Variants in STX8 observed in about 807,000 individuals in gnomAD.
The protein encoded by STX8 is syntaxin-8.
Under a neutral mutation model 37.5 loss-of-function variants are expected in STX8, and 23 were observed. That is an observed-to-expected ratio of 0.61 (90% CI 0.44 to 0.87). The LOEUF (loss-of-function observed/expected upper bound fraction) is 0.87. Ranked by LOEUF, STX8 falls within the 40% of genes least tolerant of loss-of-function variation. The pLI is 0.00. For synonymous variants in STX8, 115 were observed against 99.1 expected, an observed-to-expected ratio of 1.16 and a Z score of -0.95; for missense variants, 313 against 284.7, an observed-to-expected ratio of 1.10 and a Z score of -0.71.
At chr17:9,427,021 T>C (rs1280541932) in intron 6 of STX8, among the ~76,000 whole-genome samples, 3 of 152,194 alleles carry the variant, frequency 2.0e-5, no homozygotes, top group African/African-American at 7.2e-5. Context: ...GTGATTTTTA[T>C]AACTACTTTC....
intron 3 of STX8, among the ~76,000 whole-genome samples, chr17:9,546,596 T>TTTTTTG (rs1449857631): frequency 8.2e-6 from 1 of 121,644 alleles, no homozygotes; most frequent in African/African-American, 3.3e-5. Flanking sequence ...AAGTGGTTTT[T>TTTTTTG]TTTTTTTTTT....
intron 6 of STX8, among the ~76,000 whole-genome samples, chr17:9,385,312 C>T (rs1009529390): frequency 3.3e-5 from 5 of 152,078 alleles, no homozygotes; most frequent in East Asian, 1.9e-4. Flanking sequence ...TTATGATCCA[C>T]GCCTCATTCT....
intron 6 of STX8, among the ~76,000 whole-genome samples, chr17:9,387,746 G>A (rs576508180): frequency 1.3e-5 from 2 of 152,240 alleles, no homozygotes; most frequent in Non-Finnish European, 2.9e-5. Flanking sequence ...ATGCATCAAC[G>A]CCACAATACA....
At chr17:9,433,419 A>G (rs1914043826) in intron 6 of STX8, among the ~76,000 whole-genome samples, 1 of 152,206 alleles carries the variant, frequency 6.6e-6, no homozygotes, top group African/African-American at 2.4e-5. Context: ...CTTCATCACT[A>G]TAAGCTTTTC....
At chr17:9,385,083 A>C (rs1242700396) in intron 6 of STX8, among the ~76,000 whole-genome samples, 1 of 152,080 alleles carries the variant, frequency 6.6e-6, no homozygotes, top group Non-Finnish European at 1.5e-5. Flanking sequence ...TGGACAGGAC[A>C]TAAAAAGACT....
Position 9,411,054 on chromosome 17 carries a change from T to C in STX8, c.542-32401A>G, listed in dbSNP as rs371227799. On this transcript the variant is annotated intron_variant, in intron 6 of 7. Coordinates refer to ENST00000306357, the MANE Select transcript of STX8 (RefSeq NM_004853.3). ...CAACCACTGCAAAGTCCATAATTCTTACCTACCTGTGTTTCAAGGCAAACA... is the reference window on the plus strand; with the variant it reads ...CAACCACTGCAAAGTCCATAATTCTCACCTACCTGTGTTTCAAGGCAAACA... Among the ~76,000 whole-genome samples the C allele has an allele frequency of 6.6e-5, 10 of 152,304 alleles. 1 individual carries two copies. The highest frequency in any genetic ancestry group is 2.4e-4 in the African/African-American group (10 of 41,566).
chr17:9,459,512 T>C (rs1164254778), intron 6 of STX8, among the ~76,000 whole-genome samples: 1 of 152,166 alleles, frequency 6.6e-6, no homozygotes, highest in Non-Finnish European at 1.5e-5. Flanking sequence ...AGGAAGCAAA[T>C]GGGAAATACA....
At chr17:9,377,159 C>G (rs894228756) in intron 7 of STX8, among the ~76,000 whole-genome samples, 2 of 152,172 alleles carry the variant, frequency 1.3e-5, no homozygotes, top group African/African-American at 4.8e-5. Flanking sequence ...GCTTCTGAAG[C>G]TGCACATCTC....
At chr17:9,344,753 T>G (rs543011587) in intron 7 of STX8, among the ~76,000 whole-genome samples, 94 of 152,272 alleles carry the variant, frequency 6.2e-4, no homozygotes, top group Non-Finnish European at 1.1e-3. Flanking sequence ...TTCCCTACTA[T>G]GGATGATTTC....
intron 7 of STX8, among the ~76,000 whole-genome samples, chr17:9,289,711 T>C (rs1221644079): frequency 1.3e-5 from 2 of 148,286 alleles, no homozygotes; most frequent in African/African-American, 5.0e-5. Flanking sequence ...ACCCGGGAGG[T>C]GGAGCTTGCA....
At chr17:9,431,816 G>A (rs1292074709) in intron 6 of STX8, among the ~76,000 whole-genome samples, 1 of 152,164 alleles carries the variant, frequency 6.6e-6, no homozygotes, top group Non-Finnish European at 1.5e-5. Flanking sequence ...CCAAATACAG[G>A]TCAAGGCTAT....
intron 6 of STX8, among the ~76,000 whole-genome samples, chr17:9,452,803 GTTT>G (rs751320265): frequency 7.5e-6 from 1 of 133,838 alleles, no homozygotes; most frequent in Non-Finnish European, 1.5e-5. Context: ...GATGGCCCTT[GTTT>G]TTTTTTCTTT....
At chr17:9,397,686 ATGATTGAGGCCGGGCAC>A (rs1250773766) in intron 6 of STX8, among the ~76,000 whole-genome samples, 1 of 152,172 alleles carries the variant, frequency 6.6e-6, no homozygotes, top group Non-Finnish European at 1.5e-5. Flanking sequence ...ATAAAAATAC[ATGATTGAGGCCGGGCAC>A]GGTAGCTCAC....
At chr17:9,277,067 C>T (rs1907702769) in intron 7 of STX8, among the ~76,000 whole-genome samples, 1 of 152,130 alleles carries the variant, frequency 6.6e-6, no homozygotes, top group African/African-American at 2.4e-5. Context: ...CCTGCCTCAG[C>T]CTCTGGAGTA....
At chr17:9,261,996 C>T (rs868049115) in intron 7 of STX8, among the ~76,000 whole-genome samples, 3 of 152,178 alleles carry the variant, frequency 2.0e-5, no homozygotes, top group East Asian at 3.8e-4. Flanking sequence ...CAAACCCCTC[C>T]GTTTGTCCTA....
intron 7 of STX8, among the ~76,000 whole-genome samples, chr17:9,313,539 A>C (rs1597599053): frequency 6.6e-6 from 1 of 152,344 alleles, no homozygotes; most frequent in East Asian, 1.9e-4. Flanking sequence ...GAATCTGCTG[A>C]ACACAAAGAG....
chr17:9,556,801 A>G (rs1906997964), intron 3 of STX8: 1 of 121,234 alleles, frequency 8.2e-6, no homozygotes, highest in Admixed American at 8.3e-5. Context: ...ATATACACAT[A>G]CATATATATA....
chr17:9,353,929 A>T (rs1403463345), intron 7 of STX8, among the ~76,000 whole-genome samples: 3 of 152,154 alleles, frequency 2.0e-5, no homozygotes, highest in Admixed American at 2.0e-4. Flanking sequence ...GTAATCCTAA[A>T]AAAAGGTTAT....
At chr17:9,330,479 G>A (rs749710068) in intron 7 of STX8, among the ~76,000 whole-genome samples, 93 of 152,210 alleles carry the variant, frequency 6.1e-4, no homozygotes, top group Non-Finnish European at 4.9e-4. Flanking sequence ...TTACCCTGGT[G>A]TTAGTCCATC....
Sources: allele counts gnomAD v4.1 joint callset (sites outside exome capture counted in the v4.1 genomes callset), GRCh38; gene constraint gnomAD v4.1.1; transcripts MANE v1.5; gene names NCBI Gene and HGNC (gene_info 2026-07-23, HGNC 2026-07-21).